The following VAC14 variants were observed in gnomAD, a reference collection of about 807,000 sequenced individuals.
VAC14 encodes VAC14 component of PIKFYVE complex, also known as protein VAC14 homolog.
VAC14 carries 47 observed loss-of-function variants against 85.3 expected under a neutral mutation model. That is an observed-to-expected ratio of 0.55 (90% CI 0.44 to 0.70). The LOEUF (loss-of-function observed/expected upper bound fraction) is 0.70, where lower values mean the gene tolerates loss of function less well. Ranked by LOEUF, VAC14 falls within the 30% of genes least tolerant of loss-of-function variation. The pLI is 0.00. For synonymous variants in VAC14, 447 were observed against 430.5 expected (o/e 1.04, Z -0.47); for missense variants, 861 against 1,004.3 (o/e 0.86, Z 1.93).
intron 1 of VAC14, among the ~76,000 whole-genome samples, chr16:70,790,242 G>A (rs1774559106): frequency 6.6e-6 from 1 of 152,222 alleles, no homozygotes; most frequent in Non-Finnish European, 1.5e-5. Flanking sequence ...GGTCAGCATT[G>A]TAGACGGGTT....
chr16:70,730,501 C>G (rs770704497), intron 14 of VAC14, among the ~76,000 whole-genome samples: 2 of 151,516 alleles, frequency 1.3e-5, no homozygotes, highest in East Asian at 3.9e-4. Flanking sequence ...CCATGGTAGT[C>G]GGTAGTCTAC....
chr16:70,747,101 C>G (rs2030960591), intron 12 of VAC14: 1 of 152,068 alleles, frequency 6.6e-6, no homozygotes, highest in African/African-American at 2.4e-5. Context: ...GCAGTGGAGA[C>G]AAGGAGAAAT....
At chr16:70,728,679 C>G (rs2054500740) in intron 14 of VAC14, among the ~76,000 whole-genome samples, 1 of 152,216 alleles carries the variant, frequency 6.6e-6, no homozygotes, top group Non-Finnish European at 1.5e-5. Flanking sequence ...CCCCAAACTC[C>G]TTCTCGCCAT....
chr16:70,794,851 A>G (rs532388938), intron 1 of VAC14, among the ~76,000 whole-genome samples: 3 of 152,248 alleles, frequency 2.0e-5, no homozygotes, highest in Non-Finnish European at 4.4e-5. Flanking sequence ...ACCTTGAGCC[A>G]CTGGGTAATA....
intron 1 of VAC14, among the ~76,000 whole-genome samples, chr16:70,790,769 C>T (rs2034299491): frequency 6.6e-6 from 1 of 152,188 alleles, no homozygotes; most frequent in African/African-American, 2.4e-5. Flanking sequence ...TCAGAGCACC[C>T]CAGGCCACTA....
rs142779439 is a variant in VAC14, at chr16:70,788,789, T to C, written c.105-2424A>G. On this transcript the variant is annotated intron_variant, in intron 1 of 18. Coordinates refer to ENST00000261776, the MANE Select transcript of VAC14 (RefSeq NM_018052.5). The stretch of plus-strand genomic sequence containing the variant: ...AATGAAGTGTTGCTTTTTCTGCCTT[T>C]TGCTGGCCAGTTTTCCTCACAGAGA... Among the ~76,000 whole-genome samples the C allele has an allele frequency of 2.1e-3, 321 of 152,298 alleles. 2 individuals are homozygous for C. Among genetic ancestry groups the C allele is most frequent in the East Asian group, 0.02 (102 of 5,178 alleles).
At chr16:70,710,143 G>A (rs1387802691) in intron 14 of VAC14, among the ~76,000 whole-genome samples, 1 of 152,256 alleles carries the variant, frequency 6.6e-6, no homozygotes, top group Admixed American at 6.5e-5. Flanking sequence ...CCAAGGACTG[G>A]TCCCAGGCCA....
At chr16:70,693,044 TC>T in intron 17 of VAC14, 73 bp from the exon 18 acceptor site, 3 of 1,530,804 alleles carry the variant, frequency 2.0e-6, no homozygotes, top group Non-Finnish European at 2.6e-6. Context: ...ACTGCCTGCC[TC>T]CGACTGGCCA....
chr16:70,693,707 G>C (rs192724819), intron 17 of VAC14, among the ~76,000 whole-genome samples: 23 of 152,338 alleles, frequency 1.5e-4, no homozygotes, highest in African/African-American at 5.5e-4. Context: ...GGGGAGGTGG[G>C]ATTGGAAACG....
chr16:70,784,099 C>G lies in VAC14; in HGVS notation c.594+14G>C. ...AACTGGAGGCTGGAGAAACGGTGTC[C>G]GGCCAGGCCTTACCCAGGAGATGAT... is the stretch of plus-strand genomic sequence containing the variant. On this transcript the variant is annotated intron_variant, in intron 5 of 18. Transcript: ENST00000261776. 1 of 1,610,324 alleles carries G rather than the reference C, an allele frequency of 6.2e-7. No individual in the cohort carries two copies.
chr16:70,715,338 A>G (rs1021614232), intron 14 of VAC14: 1 of 152,356 alleles, frequency 6.6e-6, no homozygotes, highest in Non-Finnish European at 1.5e-5. Context: ...TTCACCAAGG[A>G]TCACCACTGT....
At chr16:70,692,689 C>A in intron 18 of VAC14, 132 bp downstream of exon 18, 3 of 1,269,350 alleles carry the variant, frequency 2.4e-6, no homozygotes, top group Non-Finnish European at 3.2e-6. Context: ...ATGGTGGTCA[C>A]AGTGACAAAA....
intron 14 of VAC14, among the ~76,000 whole-genome samples, 188 bp from the exon 15 acceptor site, chr16:70,698,999 C>T (rs551573730): frequency 6.6e-6 from 1 of 152,280 alleles, no homozygotes; most frequent in East Asian, 1.9e-4. Flanking sequence ...AATGCCGCAC[C>T]TGCCTCTAGG....
intron 14 of VAC14, chr16:70,716,404 TTGTCCAGCCCCTATAAGA>T (rs2054167338): frequency 6.6e-6 from 1 of 152,334 alleles, no homozygotes; most frequent in South Asian, 2.1e-4. Flanking sequence ...CCCAGTGCTC[TTGTCCAGCCCCTATAAGA>T]TGTTCCCATC....
chr16:70,752,520 G>A (rs1350810050), intron 12 of VAC14, among the ~76,000 whole-genome samples: 2 of 152,234 alleles, frequency 1.3e-5, no homozygotes, highest in Admixed American at 1.3e-4. Flanking sequence ...GCTGGGCAGG[G>A]AACGGGGTGG....
At chr16:70,760,962 G>GTGTGT (rs2032283824) in intron 12 of VAC14, among the ~76,000 whole-genome samples, 2 of 47,602 alleles carry the variant, frequency 4.2e-5, no homozygotes, top group African/African-American at 1.7e-4. Flanking sequence ...ACGAAGAGAG[G>GTGTGT]GTGTGTGTGT....
At chr16:70,707,099 C>T (rs2053935030) in intron 14 of VAC14, among the ~76,000 whole-genome samples, 2 of 152,228 alleles carry the variant, frequency 1.3e-5, no homozygotes, top group South Asian at 4.1e-4. Context: ...AGCCTCCCAT[C>T]TCTAGTCCAG....
intron 13 of VAC14, among the ~76,000 whole-genome samples, chr16:70,738,948 C>A (rs2029983840): frequency 6.6e-6 from 1 of 152,206 alleles, no homozygotes; most frequent in African/African-American, 2.4e-5. Flanking sequence ...AACTTCACCA[C>A]CCACCCAGGC....
At chr16:70,754,318 C>T (rs1029104409) in intron 12 of VAC14, among the ~76,000 whole-genome samples, 11 of 152,176 alleles carry the variant, frequency 7.2e-5, no homozygotes, top group Non-Finnish European at 1.5e-4. Flanking sequence ...TTGCCATTCC[C>T]CTCTCTTCCC....
Sources: allele counts gnomAD v4.1 joint callset (sites outside exome capture counted in the v4.1 genomes callset), GRCh38; gene constraint gnomAD v4.1.1; transcripts MANE v1.5; gene names NCBI Gene and HGNC (gene_info 2026-07-23, HGNC 2026-07-21).